The following SUN3 variants were observed in gnomAD, a reference collection of about 807,000 sequenced individuals.
SUN3 encodes the protein SUN domain-containing protein 3.
SUN3 carries 36 observed loss-of-function variants against 48.2 expected under a neutral mutation model. The observed-to-expected ratio is 0.75, with a 90% CI of 0.57 to 0.99. SUN3 has a LOEUF of 0.99. Among genes scored for constraint, SUN3 ranks in the 50% least tolerant of loss-of-function variants. The pLI is 0.00. For synonymous variants in SUN3, 148 were observed against 147.9 expected (o/e 1.00, Z 0.00); for missense variants, 419 against 433.1 (o/e 0.97, Z 0.29).
intron 5 of SUN3, among the ~76,000 whole-genome samples, chr7:48,006,717 GA>G (rs368173799): frequency 3.1e-3 from 479 of 152,284 alleles, no homozygotes; most frequent in African/African-American, 0.011. Context: ...CATTAGGGAA[GA>G]AAAAGAAGGT....
At chr7:47,992,995 AT>A (rs920480797) in intron 8 of SUN3, among the ~76,000 whole-genome samples, 20 of 152,084 alleles carry the variant, frequency 1.3e-4, no homozygotes, top group Non-Finnish European at 2.5e-4. Context: ...CTACTAAAAA[AT>A]TTAAAAAACA....
At chr7:47,993,082 GA>G (rs199974909) in intron 8 of SUN3, among the ~76,000 whole-genome samples, 6 of 146,128 alleles carry the variant, frequency 4.1e-5, no homozygotes, top group Non-Finnish European at 6.0e-5. Context: ...CCTGTCTCAA[GA>G]AAAAAAAAAT....
At chr7:48,035,083 A>G in the SUN3 span, among the ~76,000 whole-genome samples, 1 of 152,104 alleles carries the variant, frequency 6.6e-6, no homozygotes, top group Admixed American at 6.5e-5. This position sits in a 1 kb window ranked among gnomAD's most constrained non-coding sequence, Gnocchi z 4.0. Context: ...ATTTTTGTAT[A>G]CTGGTGGGGT....
intron 4 of SUN3, among the ~76,000 whole-genome samples, chr7:48,007,686 A>G (rs1789568545): frequency 6.6e-6 from 1 of 152,160 alleles, no homozygotes. Context: ...CCGGTGTAGT[A>G]CAGAGCAGTG....
intron 2 of SUN3, among the ~76,000 whole-genome samples, chr7:48,022,561 A>G (rs1790029832): frequency 6.6e-6 from 1 of 152,096 alleles, no homozygotes; most frequent in South Asian, 2.1e-4. Context: ...CCCACAAAAA[A>G]TTAAAAAATT....
At chr7:48,025,254 A>G (rs893991877) in intron 2 of SUN3, among the ~76,000 whole-genome samples, 4 of 152,220 alleles carry the variant, frequency 2.6e-5, no homozygotes, top group Admixed American at 2.0e-4. Context: ...GACACATGAT[A>G]GGATATGGAT....
intron 7 of SUN3, 60 bp downstream of exon 7, chr7:47,995,971 T>C: frequency 9.3e-7 from 1 of 1,074,160 alleles, no homozygotes; most frequent in Non-Finnish European, 1.3e-6. Context: ...AACATTTTCA[T>C]GATAAATAAT....
At chr7:48,022,413 G>C (rs948677957) in intron 2 of SUN3, among the ~76,000 whole-genome samples, 1 of 152,042 alleles carries the variant, frequency 6.6e-6, no homozygotes. Flanking sequence ...ATAACTAAAA[G>C]ATTGTATTTG....
At chr7:48,003,316 G>A (rs55913035) in intron 6 of SUN3, among the ~76,000 whole-genome samples, 84 of 152,264 alleles carry the variant, frequency 5.5e-4, no homozygotes, top group Middle Eastern at 3.4e-3. Flanking sequence ...TTTGGTTACT[G>A]TAGCCCTGTA....
At chr7:48,014,429 A>G (rs1226129513) in intron 3 of SUN3, among the ~76,000 whole-genome samples, 1 of 152,222 alleles carries the variant, frequency 6.6e-6, no homozygotes, top group Non-Finnish European at 1.5e-5. Flanking sequence ...AAGCTCCTTG[A>G]TCATTACATT....
intron 1 of SUN3, among the ~76,000 whole-genome samples, chr7:48,026,766 C>T (rs1790146943): frequency 6.6e-6 from 1 of 152,064 alleles, no homozygotes; most frequent in South Asian, 2.1e-4. Flanking sequence ...CTTTTTCTCT[C>T]TTTGTGCAGT....
At chr7:48,030,180 T>C (rs1481248853), upstream of SUN3, among the ~76,000 whole-genome samples, 2 of 152,232 alleles carry the variant, frequency 1.3e-5, no homozygotes, top group Admixed American at 1.3e-4. Context: ...TGTTTTTGCT[T>C]TTTTCTCTTT....
Position 48,022,882 on chromosome 7 carries a change from GA to G in SUN3, c.184+2994del, listed in dbSNP as rs542498825. Among the ~76,000 whole-genome samples the G allele has an allele frequency of 4.6e-5, 7 of 151,790 alleles. 1 individual carries two copies. The South Asian group carries it at 1.5e-3, about 32-fold the overall frequency. ...AGTGGGATGACATATTTAAAGCGTT[GA>G]AAGAAAAAAAATTCTATATATGAGA... is the stretch of plus-strand genomic sequence containing the variant. On this transcript the variant is annotated intron_variant, in intron 2 of 9. Coordinates refer to ENST00000297325, the MANE Select transcript of SUN3 (RefSeq NM_001030019.2).
intron 5 of SUN3, 37 bp downstream of exon 5, chr7:48,007,128 C>T (rs780830682): frequency 8.2e-6 from 13 of 1,578,158 alleles, no homozygotes; most frequent in Middle Eastern, 1.8e-4. Flanking sequence ...CTAACCACCA[C>T]CCCACCCTGC....
chr7:48,025,807 T>C (rs1790118022), intron 2 of SUN3, 70 bp downstream of exon 2: 11 of 1,064,508 alleles, frequency 1.0e-5, no homozygotes, highest in Middle Eastern at 2.0e-4. Context: ...GTCATTCCGT[T>C]GAGATCTCTC....
chr7:48,028,775 A>G, intron 1 of SUN3, 42 bp downstream of exon 1: 1 of 1,605,098 alleles, frequency 6.2e-7, no homozygotes, highest in Non-Finnish European at 8.5e-7. Flanking sequence ...TAACACATAA[A>G]ACCTACAATT....
chr7:47,999,447 C>T (rs1387568296), intron 6 of SUN3, among the ~76,000 whole-genome samples: 1 of 152,084 alleles, frequency 6.6e-6, no homozygotes, highest in African/African-American at 2.4e-5. Flanking sequence ...TTCCCCTATC[C>T]TCTGCCTTTC....
chr7:48,022,359 A>G (rs1439876799), intron 2 of SUN3, among the ~76,000 whole-genome samples: 1 of 152,136 alleles, frequency 6.6e-6, no homozygotes, highest in Non-Finnish European at 1.5e-5. Context: ...TTGACAACAC[A>G]ATGGGTGACT....
At position 47,988,831 on chromosome 7, in the gene SUN3, A is replaced by G; in HGVS notation, c.911T>C (p.Ile304Thr). 6.2e-7 allele frequency: 1 copy of G among 1,607,884 alleles called. No individual in the cohort carries two copies. The highest frequency in any genetic ancestry group is 8.5e-7 in the Non-Finnish European group (1 of 1,176,604). The change falls in exon 9 of 10, where the codon ATA (isoleucine) becomes ACA (threonine). Residue 304 changes from isoleucine to threonine, a missense_variant. Coordinates refer to ENST00000297325, the MANE Select transcript of SUN3 (RefSeq NM_001030019.2). The stretch of plus-strand genomic sequence containing the variant: ...AACGGTGGTTCCTGTTTTGTTATAT[A>G]TAAACTGACCTAGGAAAATTTCTTC... Reference protein sequence around the residue: ...EGEEIFLGQFIYNKTGTTVQT... With the variant: ...EGEEIFLGQFTYNKTGTTVQT...
Sources: gnomAD v4.1 joint callset for allele counts (sites outside exome capture counted in the v4.1 genomes callset) on GRCh38, gnomAD v4.1.1 for gene constraint, Gnocchi (gnomAD v3.1) non-coding constraint, MANE v1.5 for transcripts, NCBI Gene and HGNC (gene_info 2026-07-23, HGNC 2026-07-21) for gene names.